Variants in GPC6 observed in about 807,000 individuals in gnomAD.
GPC6 encodes glypican-6.
A neutral mutation model predicts 55.2 loss-of-function variants in GPC6; 14 were observed. That is an observed-to-expected ratio of 0.25 (90% CI 0.17 to 0.40). The LOEUF is 0.40. Ranked by LOEUF, GPC6 falls within the 10% of genes least tolerant of loss-of-function variation. GPC6 has a pLI of 1.00. For synonymous variants in GPC6, 278 were observed against 259.6 expected, an observed-to-expected ratio of 1.07 and a Z score of -0.68; for missense variants, 641 against 708.5, an observed-to-expected ratio of 0.90 and a Z score of 1.08.
chr13:93,860,622 T>C (rs534958759), intron 3 of GPC6, among the ~76,000 whole-genome samples: 5 of 151,802 alleles, frequency 3.3e-5, no homozygotes, highest in Middle Eastern at 6.8e-3. Context: ...ACTTGGGGGC[T>C]TGTTCTGTAT....
chr13:93,802,047 T>G (rs1418026896), intron 2 of GPC6, among the ~76,000 whole-genome samples: 5 of 152,188 alleles, frequency 3.3e-5, no homozygotes, highest in African/African-American at 1.2e-4. Context: ...AGTAGGTATT[T>G]AAGAGATTAA....
At chr13:93,357,941 G>A (rs2139173261) in intron 1 of GPC6, among the ~76,000 whole-genome samples, 1 of 152,344 alleles carries the variant, frequency 6.6e-6, no homozygotes, top group South Asian at 2.1e-4. Flanking sequence ...TATCTTTGAA[G>A]AACCAGGAAG....
chr13:93,628,140 T>G (rs1327350437), intron 2 of GPC6, among the ~76,000 whole-genome samples: 6 of 152,152 alleles, frequency 3.9e-5, no homozygotes, highest in African/African-American at 1.2e-4. Flanking sequence ...AGGGATTAAG[T>G]TAGTTGATTG....
chr13:94,253,056 C>T (rs753217042), intron 4 of GPC6, among the ~76,000 whole-genome samples: 6 of 151,960 alleles, frequency 3.9e-5, no homozygotes, highest in South Asian at 2.1e-4. Context: ...GGGAATTCAG[C>T]GATTCTTTCT....
intron 2 of GPC6, among the ~76,000 whole-genome samples, chr13:93,568,778 C>T (rs1052995871): frequency 3.5e-4 from 54 of 152,278 alleles, no homozygotes; most frequent in African/African-American, 1.1e-3. Context: ...TCATATACTA[C>T]GATTTTAAGA....
At chr13:94,059,089 T>C (rs1285225274) in intron 4 of GPC6, among the ~76,000 whole-genome samples, 1 of 152,160 alleles carries the variant, frequency 6.6e-6, no homozygotes, top group Non-Finnish European at 1.5e-5. Flanking sequence ...AGAGTTTTTT[T>C]TTTTAAGAAG....
chr13:93,231,314 CATAT>C (rs1161342600), intron 1 of GPC6, among the ~76,000 whole-genome samples: 2 of 80,136 alleles, frequency 2.5e-5, no homozygotes, highest in East Asian at 3.8e-4. Flanking sequence ...TTCCTCATTT[CATAT>C]ATATATATAT....
intron 6 of GPC6, among the ~76,000 whole-genome samples, chr13:94,325,916 C>T (rs1029001557): frequency 6.6e-6 from 1 of 152,200 alleles, no homozygotes; most frequent in Admixed American, 6.5e-5. Flanking sequence ...TGACCTCCTT[C>T]CCTCAAAGAC....
At chr13:93,622,807 A>G (rs1175002236) in intron 2 of GPC6, among the ~76,000 whole-genome samples, 1 of 152,160 alleles carries the variant, frequency 6.6e-6, no homozygotes, top group Non-Finnish European at 1.5e-5. Flanking sequence ...ACAATACCAC[A>G]TTATTAACTA....
chr13:93,535,930 G>A (rs1882045558), intron 1 of GPC6, among the ~76,000 whole-genome samples: 1 of 152,110 alleles, frequency 6.6e-6, no homozygotes, highest in Non-Finnish European at 1.5e-5. Context: ...TGATGAGCCT[G>A]TATGTTTGGG....
chr13:93,718,073 G>C lies in GPC6; in HGVS notation c.320-112081G>C, dbSNP rs548890115. Among the ~76,000 whole-genome samples the C allele has an allele frequency of 1.2e-4, 18 of 151,746 alleles. No individual in the cohort carries two copies. In the South Asian group the frequency reaches 3.3e-3, roughly 28 times the overall value. On this transcript the variant is annotated intron_variant, in intron 2 of 8. Transcript: ENST00000377047. ...GTGAATAATGCTGCAATAAACATAC[G>C]TATGCATGTGTCTTTATAGTAGAAT...
chr13:94,109,479 A>G (rs966780962), intron 4 of GPC6, among the ~76,000 whole-genome samples: 4 of 150,896 alleles, frequency 2.7e-5, no homozygotes, highest in Admixed American at 1.3e-4. Flanking sequence ...TTAGTCTACA[A>G]TGAAGATTCA....
At chr13:94,198,135 C>CT (rs896967742) in intron 4 of GPC6, among the ~76,000 whole-genome samples, 4 of 152,054 alleles carry the variant, frequency 2.6e-5, no homozygotes, top group East Asian at 1.9e-4. Flanking sequence ...CTGTTAAGTA[C>CT]TTTTTTTTCT....
In GPC6 at chr13:94,188,629, C is replaced by A. The variant is rs9589927; in HGVS notation, c.878-97720C>A. On this transcript the variant is annotated intron_variant, in intron 4 of 8. Transcript: ENST00000377047. ...AAGGAGACGGGAGCCATGGTGGATG[C>A]CGTGAGGTGTCACCAGATCCCTTTG... Among the ~76,000 whole-genome samples, 1,435 of 152,228 alleles carry A rather than the reference C, an allele frequency of 9.4e-3. 14 individuals carry two copies. The highest frequency in any genetic ancestry group is 0.014 in the Non-Finnish European group (962 of 68,000).
At chr13:93,569,965 G>C (rs991992955) in intron 2 of GPC6, among the ~76,000 whole-genome samples, 1 of 151,822 alleles carries the variant, frequency 6.6e-6, no homozygotes, top group Admixed American at 6.6e-5. Flanking sequence ...TAATTGAATC[G>C]GTCATTACTC....
At chr13:93,361,272 G>A (rs974960500) in intron 1 of GPC6, among the ~76,000 whole-genome samples, 2 of 152,168 alleles carry the variant, frequency 1.3e-5, no homozygotes, top group Admixed American at 6.5e-5. Flanking sequence ...CAGAGAAAAT[G>A]TTCAAAACCC....
chr13:93,985,418 C>G (rs568550632), intron 3 of GPC6, among the ~76,000 whole-genome samples: 45 of 151,860 alleles, frequency 3.0e-4, no homozygotes, highest in African/African-American at 1.0e-3. Context: ...GCCCGGGCAA[C>G]AGAGCAAGAC....
chr13:93,572,734 C>T (rs1324839005), intron 2 of GPC6, among the ~76,000 whole-genome samples: 2 of 152,080 alleles, frequency 1.3e-5, no homozygotes, highest in Non-Finnish European at 2.9e-5. Context: ...TCTCACAGAA[C>T]GAACCTTTAG....
chr13:93,450,462 A>C (rs1369321044), intron 1 of GPC6, among the ~76,000 whole-genome samples: 1 of 152,224 alleles, frequency 6.6e-6, no homozygotes, highest in Non-Finnish European at 1.5e-5. Context: ...TGAGTAAGGA[A>C]AGTTGTTGTC....
Sources: gnomAD v4.1 joint callset for allele counts (sites outside exome capture counted in the v4.1 genomes callset) on GRCh38, gnomAD v4.1.1 for gene constraint, MANE v1.5 for transcripts, NCBI Gene and HGNC (gene_info 2026-07-23, HGNC 2026-07-21) for gene names.